Variants in LRRTM4 observed in about 807,000 individuals in gnomAD.
The protein encoded by LRRTM4 is leucine rich repeat transmembrane neuronal 4.
Under a neutral mutation model 47.6 loss-of-function variants are expected in LRRTM4, and 25 were observed. That is an observed-to-expected ratio of 0.53 (90% CI 0.38 to 0.73). The LOEUF (loss-of-function observed/expected upper bound fraction) is 0.73, where lower values mean the gene tolerates loss of function less well. Among genes scored for constraint, LRRTM4 ranks in the 30% least tolerant of loss-of-function variants. The pLI, the probability that LRRTM4 is intolerant of heterozygous loss-of-function variation, is 0.00. For synonymous variants in LRRTM4, 311 were observed against 269.5 expected (o/e 1.15, Z -1.51); for missense variants, 638 against 713.4 (o/e 0.89, Z 1.20).
intron 3 of LRRTM4, among the ~76,000 whole-genome samples, chr2:77,047,627 A>T (rs1679278410): frequency 6.6e-6 from 1 of 152,048 alleles, no homozygotes; most frequent in South Asian, 2.1e-4. Flanking sequence ...TTGCCATTTT[A>T]TAAAGACACC....
intron 3 of LRRTM4, among the ~76,000 whole-genome samples, chr2:76,941,114 G>A (rs556820876): frequency 6.6e-6 from 1 of 152,046 alleles, no homozygotes; most frequent in Non-Finnish European, 1.5e-5. Context: ...CAATAAAGAA[G>A]AAGGTAAAGT....
rs146291661 is a variant in LRRTM4, at chr2:77,061,750, A to G, written c.1552-312834T>C. 2.2e-4 allele frequency among the ~76,000 whole-genome samples: 34 copies of G among 152,324 alleles called. No homozygotes were observed. The East Asian group carries it at 6.6e-3, about 29-fold the overall frequency. ...ACATAATGCCCATCCATTAAATTCTATGAAACTATGATTCATTAATGTGAA... is the reference window on the plus strand; with the variant it reads ...ACATAATGCCCATCCATTAAATTCTGTGAAACTATGATTCATTAATGTGAA... On this transcript the variant is annotated intron_variant, in intron 3 of 3. Transcript: ENST00000409884.
intron 3 of LRRTM4, among the ~76,000 whole-genome samples, chr2:76,865,710 G>T (rs899042308): frequency 2.2e-4 from 33 of 152,112 alleles, no homozygotes; most frequent in African/African-American, 8.0e-4. Context: ...AAATCAGAGA[G>T]AAGTATACTT....
At position 77,022,499 on chromosome 2, in the gene LRRTM4, C is replaced by T. The variant is rs1268869729; in HGVS notation, c.1552-273583G>A. On this transcript the variant is annotated intron_variant, in intron 3 of 3. Coordinates refer to ENST00000409884, the MANE Select transcript of LRRTM4 (RefSeq NM_001134745.3). ...AAGTTTCATCTGAGACAAGGCAAGT[C>T]CCTTCCACCTATGAGCCTGTAAAAT... is the stretch of plus-strand genomic sequence containing the variant. Among the ~76,000 whole-genome samples, 3 of 152,298 alleles carry T rather than the reference C, an allele frequency of 2.0e-5. No homozygotes were observed. In the Middle Eastern group the frequency reaches 0.01, roughly 518 times the overall value.
At chr2:76,756,311 C>G (rs1360083004) in intron 3 of LRRTM4, among the ~76,000 whole-genome samples, 1 of 152,082 alleles carries the variant, frequency 6.6e-6, no homozygotes, top group Non-Finnish European at 1.5e-5. Context: ...TATATTCTGA[C>G]TTTTTTGGGC....
At chr2:76,998,288 A>G (rs1677276095) in intron 3 of LRRTM4, among the ~76,000 whole-genome samples, 1 of 151,828 alleles carries the variant, frequency 6.6e-6, no homozygotes, top group South Asian at 2.1e-4. Flanking sequence ...AATCCTTCCT[A>G]TTTCCTACAT....
chr2:76,970,710 A>G (rs9309511), intron 3 of LRRTM4, among the ~76,000 whole-genome samples: 89,045 of 151,906 alleles, frequency 0.59, 28,511 homozygotes, highest in African/African-American at 0.84. Flanking sequence ...GAACCTCACA[A>G]CCTAGAGCTG....
intron 3 of LRRTM4, among the ~76,000 whole-genome samples, chr2:76,769,516 C>T (rs561884465): frequency 1.9e-4 from 28 of 149,406 alleles, no homozygotes; most frequent in African/African-American, 6.4e-4. Context: ...TAAAAGCTCA[C>T]TTGCAACTGA....
At chr2:77,284,324 C>G (rs574171666) in intron 3 of LRRTM4, among the ~76,000 whole-genome samples, 1 of 152,186 alleles carries the variant, frequency 6.6e-6, no homozygotes, top group East Asian at 1.9e-4. Context: ...TATAGATTTA[C>G]TGTTAGATAA....
intron 3 of LRRTM4, among the ~76,000 whole-genome samples, chr2:77,175,077 T>TC (rs1673156235): frequency 6.8e-6 from 1 of 147,752 alleles, no homozygotes; most frequent in African/African-American, 2.4e-5. Context: ...CTTTTTTCTT[T>TC]TTTTTTTTTT....
At chr2:77,123,618 G>C (rs1290821460) in intron 3 of LRRTM4, among the ~76,000 whole-genome samples, 6 of 151,878 alleles carry the variant, frequency 4.0e-5, no homozygotes, top group African/African-American at 1.4e-4. Context: ...TTTTTTGAGT[G>C]ACATTTTAAT....
chr2:76,893,904 G>C, intron 3 of LRRTM4, among the ~76,000 whole-genome samples: 1 of 151,804 alleles, frequency 6.6e-6, no homozygotes, highest in Non-Finnish European at 1.5e-5. Context: ...TTAACATCAG[G>C]AGAAAGTCAC....
intron 3 of LRRTM4, among the ~76,000 whole-genome samples, chr2:76,862,264 G>T (rs7595836): frequency 0.024 from 3,717 of 152,174 alleles, 144 homozygotes; most frequent in African/African-American, 0.084. Flanking sequence ...TACTCTTGGT[G>T]CATAGTTCCT....
At chr2:77,004,874 G>A (rs1677577189) in intron 3 of LRRTM4, among the ~76,000 whole-genome samples, 1 of 152,150 alleles carries the variant, frequency 6.6e-6, no homozygotes, top group African/African-American at 2.4e-5. Context: ...TTATTTCCAA[G>A]TTTTAAGATT....
chr2:76,835,951 G>C (rs1002185391), intron 3 of LRRTM4, among the ~76,000 whole-genome samples: 76 of 152,046 alleles, frequency 5.0e-4, no homozygotes, highest in African/African-American at 1.7e-3. Context: ...CAACGTTCTT[G>C]AATTTCTAAA....
chr2:76,998,149 C>T (rs568501321), intron 3 of LRRTM4, among the ~76,000 whole-genome samples: 2 of 152,216 alleles, frequency 1.3e-5, no homozygotes, highest in African/African-American at 4.8e-5. Flanking sequence ...ACCCTGCTCC[C>T]CATGTCTGTG....
At chr2:77,115,079 C>A (rs1335704617) in intron 3 of LRRTM4, among the ~76,000 whole-genome samples, 4 of 152,080 alleles carry the variant, frequency 2.6e-5, no homozygotes, top group African/African-American at 9.7e-5. Context: ...CAGACACTCC[C>A]AGAGCAGCCG....
intron 3 of LRRTM4, among the ~76,000 whole-genome samples, chr2:77,248,818 A>T (rs527520688): frequency 5.2e-4 from 79 of 152,298 alleles, no homozygotes; most frequent in African/African-American, 1.9e-3. Context: ...CCAACAAATG[A>T]TGTCAGAACA....
intron 3 of LRRTM4, among the ~76,000 whole-genome samples, chr2:77,433,257 A>G (rs973188743): frequency 1.3e-5 from 2 of 152,214 alleles, no homozygotes; most frequent in African/African-American, 4.8e-5. Flanking sequence ...ACTTGAGCAG[A>G]ACTGCCCATT....
Sources: gnomAD v4.1 joint callset for allele counts (sites outside exome capture counted in the v4.1 genomes callset) on GRCh38, gnomAD v4.1.1 for gene constraint, MANE v1.5 for transcripts, NCBI Gene and HGNC (gene_info 2026-07-23, HGNC 2026-07-21) for gene names.